PIK3C2G: variants seen among roughly 807,000 people sequenced by gnomAD.
PIK3C2G encodes phosphatidylinositol-4-phosphate 3-kinase catalytic subunit type 2 gamma.
Under a neutral mutation model 181.1 loss-of-function variants are expected in PIK3C2G, and 168 were observed. The ratio of observed to expected loss-of-function variants is 0.93; its 90% CI spans 0.82 to 1.05. PIK3C2G has a LOEUF of 1.05. Among genes scored for constraint, PIK3C2G ranks in the 50% least tolerant of loss-of-function variants. The pLI, the probability that PIK3C2G is intolerant of heterozygous loss-of-function variation, is 0.00. For synonymous variants in PIK3C2G, 573 were observed against 592.2 expected, an observed-to-expected ratio of 0.97 and a Z score of 0.47; for missense variants, 1,869 against 1,732.8, an observed-to-expected ratio of 1.08 and a Z score of -1.40.
At chr12:18,392,526 GT>G (rs1943599248) in intron 15 of PIK3C2G, among the ~76,000 whole-genome samples, 1 of 152,036 alleles carries the variant, frequency 6.6e-6, no homozygotes, top group Non-Finnish European at 1.5e-5. Flanking sequence ...CTGAAAAACT[GT>G]TTCCTAAGTT....
chr12:18,488,385 G>A (rs929318338), intron 18 of PIK3C2G, 64 bp from the exon 19 acceptor site: 36 of 1,128,012 alleles, frequency 3.2e-5, no homozygotes, highest in South Asian at 8.2e-5. Context: ...TTACTGTTCC[G>A]GCTGGATGTG....
chr12:18,610,215 A>G (rs551434471), intron 31 of PIK3C2G, among the ~76,000 whole-genome samples: 64 of 152,220 alleles, frequency 4.2e-4, no homozygotes, highest in African/African-American at 1.5e-3. Context: ...CAGCAAACAT[A>G]GAAGGAAAAC....
At chr12:18,601,761 G>A (rs189117189) in intron 30 of PIK3C2G, among the ~76,000 whole-genome samples, 10 of 152,080 alleles carry the variant, frequency 6.6e-5, no homozygotes, top group African/African-American at 2.4e-4. Flanking sequence ...AACAAAAAAC[G>A]TCCAAATAGC....
At chr12:18,687,077 T>C in the PIK3C2G span, among the ~76,000 whole-genome samples, 1 of 152,080 alleles carries the variant, frequency 6.6e-6, no homozygotes, top group African/African-American at 2.4e-5. Flanking sequence ...GCCGTAGCAA[T>C]GTGCCTTCAA....
intron 1 of PIK3C2G, among the ~76,000 whole-genome samples, chr12:18,266,013 TAAAAAAAAAA>T (rs61315448): frequency 1.1e-4 from 7 of 61,768 alleles, no homozygotes; most frequent in Admixed American, 2.7e-4. Flanking sequence ...AGACTTCATC[TAAAAAAAAAA>T]AAAAAAAAAA....
chr12:18,527,044 G>A (rs1350528772), intron 24 of PIK3C2G, among the ~76,000 whole-genome samples: 2 of 152,138 alleles, frequency 1.3e-5, no homozygotes, highest in African/African-American at 4.8e-5. Flanking sequence ...ATGTTTGTGA[G>A]AGAGATGAAA....
chr12:18,680,718 A>G, the PIK3C2G span, among the ~76,000 whole-genome samples: 1 of 152,084 alleles, frequency 6.6e-6, no homozygotes, highest in Non-Finnish European at 1.5e-5. Context: ...ATTGCTCACT[A>G]CAAAAGGAGA....
At chr12:18,423,817 G>A in intron 17 of PIK3C2G, 128 bp from the exon 18 acceptor site, 2 of 633,848 alleles carry the variant, frequency 3.2e-6, no homozygotes, top group Non-Finnish European at 5.7e-6. Context: ...ATCATCGAAT[G>A]TGTTATTAGC....
intron 31 of PIK3C2G, among the ~76,000 whole-genome samples, chr12:18,630,520 G>C (rs867796289): frequency 1.2e-4 from 19 of 152,278 alleles, no homozygotes; most frequent in Non-Finnish European, 2.2e-4. Context: ...GAAGGGTCTA[G>C]GATGGGGTTA....
At chr12:18,325,864 T>A (rs1951324266) in intron 8 of PIK3C2G, among the ~76,000 whole-genome samples, 1 of 152,104 alleles carries the variant, frequency 6.6e-6, no homozygotes, top group African/African-American at 2.4e-5. Flanking sequence ...CCAAATTATG[T>A]AGGATCTTAT....
intron 16 of PIK3C2G, among the ~76,000 whole-genome samples, chr12:18,404,348 G>A (rs542907822): frequency 1.6e-4 from 24 of 152,162 alleles, no homozygotes; most frequent in Non-Finnish European, 2.9e-4. Flanking sequence ...AGACAAATTG[G>A]TAGGCACTGA....
At chr12:18,586,312 T>C (rs1313435244) in intron 29 of PIK3C2G, among the ~76,000 whole-genome samples, 1 of 151,998 alleles carries the variant, frequency 6.6e-6, no homozygotes, top group Non-Finnish European at 1.5e-5. Context: ...ATTAGTAAGA[T>C]AGATAGGCCA....
intron 24 of PIK3C2G, among the ~76,000 whole-genome samples, chr12:18,524,576 T>A (rs1943116500): frequency 6.6e-6 from 1 of 151,720 alleles, no homozygotes; most frequent in South Asian, 2.1e-4. Context: ...TTTTTTTTTT[T>A]TCTTTTGAGC....
intron 13 of PIK3C2G, among the ~76,000 whole-genome samples, chr12:18,380,199 T>C (rs1034475847): frequency 5.9e-5 from 9 of 152,172 alleles, no homozygotes; most frequent in African/African-American, 1.9e-4. Flanking sequence ...CCGCCGTGCT[T>C]ACTCAGGTCC....
intron 1 of PIK3C2G, among the ~76,000 whole-genome samples, chr12:18,272,878 A>G (rs1948801810): frequency 6.6e-6 from 1 of 152,120 alleles, no homozygotes; most frequent in Non-Finnish European, 1.5e-5. Flanking sequence ...GCTTTCTTTT[A>G]CTAGGTAATG....
At chr12:18,256,795 T>A (rs964629852), upstream of PIK3C2G, among the ~76,000 whole-genome samples, 2 of 152,170 alleles carry the variant, frequency 1.3e-5, no homozygotes, top group Admixed American at 6.6e-5. Flanking sequence ...CTCTCAATCC[T>A]TAGACCAAAG....
chr12:18,612,162 G>C (rs922418235), intron 31 of PIK3C2G, among the ~76,000 whole-genome samples: 6 of 151,990 alleles, frequency 3.9e-5, no homozygotes, highest in Admixed American at 6.6e-5. Context: ...CCTTGAATAT[G>C]GCAGGCATGT....
At chr12:18,376,518 T>C (rs1035509565) in intron 13 of PIK3C2G, among the ~76,000 whole-genome samples, 1 of 152,190 alleles carries the variant, frequency 6.6e-6, no homozygotes, top group Non-Finnish European at 1.5e-5. Context: ...ACTTCAGACA[T>C]TTTAGTTAAT....
intron 11 of PIK3C2G, among the ~76,000 whole-genome samples, chr12:18,356,488 T>C (rs1482270267): frequency 6.6e-6 from 1 of 152,138 alleles, no homozygotes; most frequent in Admixed American, 6.5e-5. Flanking sequence ...AGAGGACATG[T>C]GTTACAGTAC....
Sources: gnomAD v4.1 joint callset for allele counts (sites outside exome capture counted in the v4.1 genomes callset) on GRCh38, gnomAD v4.1.1 for gene constraint, MANE v1.5 for transcripts, NCBI Gene and HGNC (gene_info 2026-07-23, HGNC 2026-07-21) for gene names.